The following POR variants were observed in gnomAD, a reference collection of about 807,000 sequenced individuals.
The protein encoded by POR is cytochrome p450 oxidoreductase.
In POR, 56 loss-of-function variants were observed where a neutral mutation model predicts 84.0. The ratio of observed to expected loss-of-function variants is 0.67; its 90% CI spans 0.54 to 0.83. The LOEUF (loss-of-function observed/expected upper bound fraction) is 0.83, where lower values mean the gene tolerates loss of function less well. POR is among the 40% of genes least tolerant of loss of function. The probability of loss-of-function intolerance (pLI) is 0.00; values close to 1 mark genes in which losing one functional copy is unlikely to be tolerated. For missense variants in POR, 938 were observed against 944.3 expected (o/e 0.99, Z 0.09); for synonymous variants, 414 against 400.5 (o/e 1.03, Z -0.40).
Position 75,980,498 on chromosome 7 carries a change from C to T in POR, c.516+10C>T. The T allele has an allele frequency of 6.2e-7, 1 of 1,612,752 alleles. No homozygotes were observed. On this transcript the variant is annotated intron_variant, in intron 5 of 15. Coordinates refer to ENST00000461988, the MANE Select transcript of POR (RefSeq NM_000941.3). ...TGGGGTCAAGTTCGCGGTGAGTCAC[C>T]CAGAGACTGCTATGGGCTCCCGGTG...
intron 7 of POR, 81 bp from the exon 8 acceptor site, chr7:75,982,143 G>A: frequency 1.9e-6 from 2 of 1,048,608 alleles, no homozygotes; most frequent in South Asian, 1.4e-5. Context: ...GCCATGCACG[G>A]TCTCCCCTGT....
chr7:75,926,462 G>C (rs1429260553), intron 1 of POR, among the ~76,000 whole-genome samples: 1 of 152,108 alleles, frequency 6.6e-6, no homozygotes, highest in African/African-American at 2.4e-5. Flanking sequence ...CATTGACTCT[G>C]GTCTGGGAGA....
At chr7:75,927,467 C>A (rs897629544) in intron 1 of POR, among the ~76,000 whole-genome samples, 4 of 151,018 alleles carry the variant, frequency 2.6e-5, no homozygotes, top group African/African-American at 4.9e-5. Flanking sequence ...AAAAAAAAAA[C>A]AACAACAAAA....
chr7:75,986,209 G>C lies in POR; in HGVS notation c.1866G>C (p.Leu622Phe). ...AAGACCGAGAGCACCTGTGGAAGTT[G>C]ATCGAAGGCGGTGCCCACATCTACG... The change falls in exon 15 of 16, where the codon TTG becomes TTC. Residue 622 changes from leucine (L) to phenylalanine (F), a missense_variant. Leu to Phe is a conservative substitution (Grantham distance 22, BLOSUM62 0). Transcript: ENST00000461988. The C allele has an allele frequency of 1.9e-6, 3 of 1,612,620 alleles. No individual in the cohort carries two copies. Among genetic ancestry groups the C allele is most frequent in the South Asian group, 1.1e-5 (1 of 91,060 alleles).
Position 75,981,144 on chromosome 7 carries a change from G to C in POR, c.613G>C (p.Glu205Gln), listed in dbSNP as rs1585129186. 1.9e-6 allele frequency: 3 copies of C among 1,553,902 alleles called. No homozygotes were observed. The highest frequency in any genetic ancestry group is 1.7e-6 in the Non-Finnish European group (2 of 1,149,414). The change falls in exon 6 of 16, where the codon GAG becomes CAG. Residue 205 changes from glutamate to glutamine, a missense_variant. Coordinates refer to ENST00000461988, the MANE Select transcript of POR (RefSeq NM_000941.3). The stretch of plus-strand genomic sequence containing the variant: ...GCAGCTCGGCGCCCAGCGCATCTTT[G>C]AGCTGGGGTTGGGCGACGACGATGG...
intron 2 of POR, among the ~76,000 whole-genome samples, chr7:75,960,524 G>T (rs928525309): frequency 1.3e-5 from 2 of 151,978 alleles, no homozygotes; most frequent in Admixed American, 6.6e-5. Context: ...TGCCCAGGCT[G>T]GGTCTTAACC....
intron 1 of POR, among the ~76,000 whole-genome samples, chr7:75,937,816 G>C (rs1807773561): frequency 6.6e-6 from 1 of 152,194 alleles, no homozygotes; most frequent in African/African-American, 2.4e-5. Flanking sequence ...AGTGGGGATG[G>C]TCAGGAGGAT....
intron 1 of POR, chr7:75,923,512 G>A (rs370236658): frequency 2.1e-5 from 10 of 473,688 alleles, no homozygotes; most frequent in African/African-American, 5.9e-5. Context: ...TTTTGGGGGC[G>A]GGGTGGAATT....
chr7:75,972,775 C>T lies in POR; in HGVS notation c.237+314C>T, dbSNP rs138160106. On this transcript the variant is annotated intron_variant, in intron 3 of 15. Coordinates refer to ENST00000461988, the MANE Select transcript of POR (RefSeq NM_000941.3). Reference sequence around the variant, plus strand: ...TGTCCAGGAGCAGAGGTAAATCTCACAGAGCTGCGGTCGTGGCACCACTGC... The same window carrying T: ...TGTCCAGGAGCAGAGGTAAATCTCATAGAGCTGCGGTCGTGGCACCACTGC... The T allele has an allele frequency of 7.7e-3, 3,412 of 442,856 alleles. 31 individuals carry two copies. Among genetic ancestry groups the T allele is most frequent in the South Asian group, 0.022 (929 of 42,234 alleles). 27.4% of individuals were successfully genotyped at this position (442,856 alleles called of 1,614,324 possible).
chr7:75,980,724 C>A, intron 5 of POR: 4 of 1,509,410 alleles, frequency 2.7e-6, no homozygotes, highest in Non-Finnish European at 3.5e-6. Flanking sequence ...AGACTAAAGG[C>A]AAGAAAGGTC....
Position 75,985,689 on chromosome 7 carries a change from C to T in POR, c.1509C>T (p.Ala503=), listed in dbSNP as rs782525879. The T allele has an allele frequency of 1.1e-5, 18 of 1,592,356 alleles. No individual in the cohort carries two copies. Among genetic ancestry groups the T allele is most frequent in the Admixed American group, 8.8e-5 (5 of 57,078 alleles). ...ACTGGCTGCGGGCCAAGGAGCCTGC[C>T]GGGGAGAACGGCGGCCGTGCGCTGG... Residue 503 remains alanine, a synonymous_variant, in exon 13 of 16, where the codon GCC becomes GCT. Coordinates refer to ENST00000461988, the MANE Select transcript of POR (RefSeq NM_000941.3).
At chr7:75,931,004 G>A (rs1585088500) in intron 1 of POR, among the ~76,000 whole-genome samples, 1 of 151,874 alleles carries the variant, frequency 6.6e-6, no homozygotes. Context: ...TTAATTTTCT[G>A]TAGAGATGGC....
intron 1 of POR, chr7:75,946,723 GTGTT>G (rs1320953000): frequency 1.3e-5 from 2 of 152,260 alleles, no homozygotes; most frequent in African/African-American, 4.8e-5. Context: ...GATTGATACT[GTGTT>G]TGGCCCCATG....
intron 1 of POR, among the ~76,000 whole-genome samples, chr7:75,919,507 C>T (rs1041415728): frequency 9.2e-5 from 14 of 151,874 alleles, no homozygotes; most frequent in Non-Finnish European, 1.9e-4. Context: ...ACTGGAGCCA[C>T]GTTCATCAGT....
At chr7:75,943,479 ACTGTTGACATTCCCTTGT>A (rs1360543298) in intron 1 of POR, among the ~76,000 whole-genome samples, 1 of 152,178 alleles carries the variant, frequency 6.6e-6, no homozygotes, top group Non-Finnish European at 1.5e-5. Flanking sequence ...GAGAGCAGAT[ACTGTTGACATTCCCTTGT>A]TCGATCACAT....
At chr7:75,981,814 C>G (rs72557910) in intron 7 of POR, 9 of 591,918 alleles carry the variant, frequency 1.5e-5, no homozygotes, top group Non-Finnish European at 2.4e-5. Context: ...TCCCACCTCT[C>G]GACAAGGACA....
Position 75,936,957 on chromosome 7 carries a change from G to GCCTCC in POR, c.-4-17031_-4-17030insCTCCC, listed in dbSNP as rs1807722301. On this transcript the variant is annotated intron_variant, in intron 1 of 15. Coordinates refer to ENST00000461988, the MANE Select transcript of POR (RefSeq NM_000941.3). ...TTCTCCTGCCTCAGCCTCCCAAGTA[G>GCCTCC]CTGGGATTACAGGCGCCCGCCACCA... 4.7e-5 allele frequency among the ~76,000 whole-genome samples: 7 copies of GCCTCC among 150,508 alleles called. No homozygotes were observed. In the South Asian group the frequency reaches 1.0e-3, roughly 22 times the overall value.
intron 3 of POR, among the ~76,000 whole-genome samples, chr7:75,973,786 A>T (rs376344504): frequency 1.5e-5 from 2 of 135,324 alleles, no homozygotes; most frequent in East Asian, 4.7e-4. Flanking sequence ...GGTTCAAGTG[A>T]TTCTCCCGCA....
intron 2 of POR, among the ~76,000 whole-genome samples, chr7:75,957,243 A>G (rs1447633702): frequency 6.6e-6 from 1 of 152,088 alleles, no homozygotes; most frequent in African/African-American, 2.4e-5. Flanking sequence ...GTCCTGCAGG[A>G]GGGGTGTTGG....
Sources: allele counts gnomAD v4.1 joint callset (sites outside exome capture counted in the v4.1 genomes callset), GRCh38; gene constraint gnomAD v4.1.1; transcripts MANE v1.5; gene names NCBI Gene and HGNC (gene_info 2026-07-23, HGNC 2026-07-21).